MYOF: variants seen among roughly 807,000 people sequenced by gnomAD.
MYOF encodes the protein myoferlin.
A neutral mutation model predicts 284.2 loss-of-function variants in MYOF; 244 were observed. That is an observed-to-expected ratio of 0.86 (90% CI 0.77 to 0.95). MYOF has a LOEUF of 0.95. Ranked by LOEUF, MYOF falls within the 40% of genes least tolerant of loss-of-function variation. The pLI is 0.00. For missense variants in MYOF, 2,496 were observed against 2,560.6 expected (o/e 0.97, Z 0.54); for synonymous variants, 904 against 919.7 (o/e 0.98, Z 0.31).
At chr10:93,358,241 A>T (rs890776744) in intron 29 of MYOF, among the ~76,000 whole-genome samples, 1 of 152,220 alleles carries the variant, frequency 6.6e-6, no homozygotes. Flanking sequence ...AATCAAAACC[A>T]CAATGAGATA....
chr10:93,398,997 G>C (rs1439884253), intron 13 of MYOF, among the ~76,000 whole-genome samples: 1 of 145,808 alleles, frequency 6.9e-6, no homozygotes, highest in Admixed American at 7.1e-5. Context: ...CATGGAAGGT[G>C]AGAAACATGA....
intron 38 of MYOF, 126 bp from the exon 39 acceptor site, chr10:93,340,290 AT>A: frequency 2.3e-6 from 2 of 887,070 alleles, no homozygotes; most frequent in Non-Finnish European, 1.8e-6. Context: ...CATGCCTTAT[AT>A]TATCAACATT....
intron 1 of MYOF, among the ~76,000 whole-genome samples, chr10:93,472,147 C>T (rs969438475): frequency 6.6e-6 from 1 of 152,168 alleles, no homozygotes; most frequent in East Asian, 1.9e-4. Flanking sequence ...TGCACTGCAG[C>T]AATTCTCACT....
intron 43 of MYOF, among the ~76,000 whole-genome samples, chr10:93,331,956 T>C (rs2133808235): frequency 6.6e-6 from 1 of 152,336 alleles, no homozygotes; most frequent in East Asian, 1.9e-4. Flanking sequence ...CTACAGGTGA[T>C]GGCTTTGCCA....
intron 5 of MYOF, among the ~76,000 whole-genome samples, chr10:93,421,412 G>T (rs1848353842): frequency 6.6e-6 from 1 of 152,118 alleles, no homozygotes; most frequent in African/African-American, 2.4e-5. Context: ...CCCTAGCAGG[G>T]GGTTGCAGTA....
At chr10:93,322,201 T>C (rs1044869040) in intron 48 of MYOF, among the ~76,000 whole-genome samples, 2 of 152,242 alleles carry the variant, frequency 1.3e-5, no homozygotes, top group Non-Finnish European at 2.9e-5. Flanking sequence ...CATGGGATTA[T>C]AGGTGAAACT....
chr10:93,346,399 C>T (rs1204429508), intron 37 of MYOF, among the ~76,000 whole-genome samples: 4 of 152,226 alleles, frequency 2.6e-5, no homozygotes, highest in Non-Finnish European at 2.9e-5. Flanking sequence ...AAGGATCAGC[C>T]GAATGAGGCT....
intron 19 of MYOF, among the ~76,000 whole-genome samples, chr10:93,383,480 G>A (rs1046854779): frequency 6.0e-5 from 9 of 151,076 alleles, no homozygotes; most frequent in Non-Finnish European, 1.3e-4. Context: ...AGCCTCCCTA[G>A]CTTAGTCCAC....
At chr10:93,447,449 T>A (rs1311959907) in intron 3 of MYOF, among the ~76,000 whole-genome samples, 1 of 152,212 alleles carries the variant, frequency 6.6e-6, no homozygotes, top group African/African-American at 2.4e-5. Context: ...TGCATTTATC[T>A]CTTTGTGATA....
chr10:93,401,377 C>G (rs750793004), intron 12 of MYOF, 41 bp downstream of exon 12: 41 of 1,607,304 alleles, frequency 2.6e-5, no homozygotes, highest in Non-Finnish European at 2.9e-5. Flanking sequence ...TCATCACACA[C>G]ATAATCAACA....
chr10:93,385,106 A>G (rs1227563285), intron 19 of MYOF, among the ~76,000 whole-genome samples: 1 of 152,240 alleles, frequency 6.6e-6, no homozygotes, highest in African/African-American at 2.4e-5. Flanking sequence ...CCCAAAATAC[A>G]TTCGGTCACA....
intron 53 of MYOF, 62 bp downstream of exon 53, chr10:93,309,958 G>A (rs1464071797): frequency 1.2e-6 from 2 of 1,601,110 alleles, no homozygotes; most frequent in East Asian, 4.5e-5. Context: ...CAGATGCCAA[G>A]GGAGAGGACC....
chr10:93,316,954 C>T (rs1842639744), intron 49 of MYOF, 141 bp from the exon 50 acceptor site: 2 of 651,782 alleles, frequency 3.1e-6, no homozygotes, highest in Admixed American at 5.4e-5. Context: ...TCCACTCTAT[C>T]TGTACAGAGA....
At position 93,404,206 on chromosome 10, in the gene MYOF, T is replaced by G; in HGVS notation, c.743A>C (p.Asn248Thr). 13 of 1,614,092 alleles carry G rather than the reference T, an allele frequency of 8.1e-6. No individual in the cohort carries two copies. Among genetic ancestry groups the G allele is most frequent in the Non-Finnish European group, 1.1e-5 (13 of 1,179,998 alleles). The change falls in exon 8 of 54, where the codon AAT becomes ACT. Residue 248 changes from asparagine to threonine, a missense_variant. Around this residue, in one of 3 missense-constraint regions of MYOF, gnomAD observed 2,436 missense variants for 2,480.7 expected, o/e 0.98. Coordinates refer to ENST00000359263, the MANE Select transcript of MYOF (RefSeq NM_013451.4). ...NPFFDELFFY[N>T]VNMTPSELMD... ...CAATTCAGAAGGGGTCATGTTGACA[T>G]TGTAGAAAAACAACTGCCAAAACAA...
chr10:93,457,160 A>G (rs1421467949), intron 1 of MYOF, among the ~76,000 whole-genome samples: 1 of 152,144 alleles, frequency 6.6e-6, no homozygotes, highest in Non-Finnish European at 1.5e-5. Flanking sequence ...GAGTTAAGGG[A>G]TGTGATGTTC....
chr10:93,378,420 A>T (rs932550698), intron 21 of MYOF, among the ~76,000 whole-genome samples: 6 of 152,088 alleles, frequency 3.9e-5, no homozygotes, highest in African/African-American at 7.2e-5. Flanking sequence ...TATTTTCAGG[A>T]CAGTTATGAT....
At chr10:93,321,102 C>T (rs1392453398) in intron 48 of MYOF, among the ~76,000 whole-genome samples, 2 of 152,098 alleles carry the variant, frequency 1.3e-5, no homozygotes, top group Non-Finnish European at 2.9e-5. Context: ...TTTTATTCTT[C>T]CCAACAACTG....
At chr10:93,412,998 T>G (rs574813647) in intron 5 of MYOF, among the ~76,000 whole-genome samples, 1 of 152,254 alleles carries the variant, frequency 6.6e-6, no homozygotes, top group East Asian at 1.9e-4. Flanking sequence ...CCTTCCATCA[T>G]CCTGGGCCTA....
intron 1 of MYOF, among the ~76,000 whole-genome samples, chr10:93,463,246 G>C (rs1380553520): frequency 6.6e-6 from 1 of 152,190 alleles, no homozygotes; most frequent in East Asian, 1.9e-4. Context: ...CTACCAGCCA[G>C]TGTGTCAGAA....
Sources: allele counts gnomAD v4.1 joint callset (sites outside exome capture counted in the v4.1 genomes callset), GRCh38; gene constraint gnomAD v4.1.1; regional missense constraint gnomAD v4.1.1; transcripts MANE v1.5; gene names NCBI Gene and HGNC (gene_info 2026-07-23, HGNC 2026-07-21).